The following ULK4 variants were observed in gnomAD, a reference collection of about 807,000 sequenced individuals.
The protein encoded by ULK4 is unc-51 like kinase 4.
Under a neutral mutation model 160.6 loss-of-function variants are expected in ULK4, and 133 were observed. The ratio of observed to expected loss-of-function variants is 0.83; its 90% confidence interval spans 0.72 to 0.96. The LOEUF (loss-of-function observed/expected upper bound fraction) is 0.96. Ranked by LOEUF, ULK4 falls within the 40% of genes least tolerant of loss-of-function variation. The pLI is 0.00. For synonymous variants in ULK4, 534 were observed against 539.8 expected (o/e 0.99, Z 0.15); for missense variants, 1,580 against 1,499.5 (o/e 1.05, Z -0.89).
chr3:41,452,959 A>C (rs1004131271), intron 34 of ULK4, among the ~76,000 whole-genome samples: 2 of 152,148 alleles, frequency 1.3e-5, no homozygotes, highest in African/African-American at 4.8e-5. Flanking sequence ...TCCAGAGGCC[A>C]AGGAGAACGG....
chr3:41,536,148 A>T (rs1356786746), intron 32 of ULK4, among the ~76,000 whole-genome samples: 2 of 152,168 alleles, frequency 1.3e-5, no homozygotes, highest in Non-Finnish European at 2.9e-5. Context: ...AAAATCCCTC[A>T]GATTGTCAAC....
At chr3:41,598,397 G>A (rs1221736072) in intron 31 of ULK4, among the ~76,000 whole-genome samples, 2 of 152,070 alleles carry the variant, frequency 1.3e-5, no homozygotes, top group African/African-American at 2.4e-5. Flanking sequence ...AGCATCTCAG[G>A]AGACCAGACA....
chr3:41,339,373 T>C (rs540982756), intron 35 of ULK4, among the ~76,000 whole-genome samples: 8 of 152,064 alleles, frequency 5.3e-5, no homozygotes. Flanking sequence ...TGGAGTGCCA[T>C]GTGAAAAGCC....
chr3:41,322,648 G>C (rs1243499087), intron 35 of ULK4, among the ~76,000 whole-genome samples: 1 of 152,172 alleles, frequency 6.6e-6, no homozygotes, highest in African/African-American at 2.4e-5. Flanking sequence ...ACTAATGTTT[G>C]AGAGCCGATG....
rs145931274 is a variant in ULK4, at chr3:41,443,695, T to C, written c.3492+11802A>G. 8.0e-4 allele frequency among the ~76,000 whole-genome samples: 122 copies of C among 152,266 alleles called. No homozygotes were observed. In the East Asian group the frequency reaches 0.011, roughly 13 times the overall value. ...CATGCAAAGACTGTCTCTCTGCTCT[T>C]TGTATATATATCGTGATACATATTA... is the stretch of plus-strand genomic sequence containing the variant. On this transcript the variant is annotated intron_variant, in intron 34 of 36. Transcript: ENST00000301831.
chr3:41,693,430 T>C (rs1179865310), intron 27 of ULK4, among the ~76,000 whole-genome samples: 3 of 152,204 alleles, frequency 2.0e-5, no homozygotes, highest in Admixed American at 2.0e-4. Flanking sequence ...TATTAGCAAC[T>C]ACCTAGTGGG....
chr3:41,588,554 G>A (rs1461108323), intron 31 of ULK4, among the ~76,000 whole-genome samples: 2 of 152,162 alleles, frequency 1.3e-5, no homozygotes, highest in East Asian at 3.9e-4. Context: ...TCTCCTGTCT[G>A]CTAGCCATTC....
At chr3:41,609,037 A>T (rs908143704) in intron 31 of ULK4, among the ~76,000 whole-genome samples, 1 of 152,222 alleles carries the variant, frequency 6.6e-6, no homozygotes, top group Admixed American at 6.5e-5. Flanking sequence ...TAGTAACAAG[A>T]ATGATGATAA....
intron 32 of ULK4, among the ~76,000 whole-genome samples, chr3:41,514,584 A>G (rs989971583): frequency 1.3e-5 from 2 of 152,208 alleles, no homozygotes; most frequent in African/African-American, 4.8e-5. Context: ...TATAAATATA[A>G]CGAAATAATA....
chr3:41,694,821 T>G (rs186890783), intron 27 of ULK4, among the ~76,000 whole-genome samples: 8 of 152,220 alleles, frequency 5.3e-5, no homozygotes, highest in Non-Finnish European at 8.8e-5. Context: ...TTTTCAAATA[T>G]GTTTTATCTG....
intron 17 of ULK4, among the ~76,000 whole-genome samples, chr3:41,838,876 AT>A (rs1009904990): frequency 2.6e-5 from 4 of 152,186 alleles, no homozygotes; most frequent in African/African-American, 9.7e-5. Context: ...AAAAAGTGAA[AT>A]TTATAGACAT....
intron 30 of ULK4, among the ~76,000 whole-genome samples, chr3:41,621,919 A>C (rs1010483224): frequency 2.6e-5 from 4 of 152,220 alleles, no homozygotes; most frequent in African/African-American, 9.6e-5. Flanking sequence ...ATTTACAAGA[A>C]AAAAACAAAC....
intron 34 of ULK4, among the ~76,000 whole-genome samples, chr3:41,449,468 T>C (rs756185777): frequency 2.0e-5 from 3 of 151,946 alleles, no homozygotes; most frequent in Non-Finnish European, 4.4e-5. Flanking sequence ...TTAAATGGAG[T>C]ACTGACTCCT....
intron 32 of ULK4, among the ~76,000 whole-genome samples, chr3:41,528,661 A>C (rs1288853021): frequency 6.6e-6 from 1 of 152,224 alleles, no homozygotes; most frequent in Non-Finnish European, 1.5e-5. Context: ...TATGCTTTGT[A>C]GCACTATAAG....
chr3:41,330,630 C>T (rs1214991754), intron 35 of ULK4, among the ~76,000 whole-genome samples: 1 of 152,148 alleles, frequency 6.6e-6, no homozygotes, highest in African/African-American at 2.4e-5. Flanking sequence ...CATGTTTACC[C>T]CTAAGTCATC....
At chr3:41,555,315 T>C (rs1217826948) in intron 32 of ULK4, among the ~76,000 whole-genome samples, 2 of 115,702 alleles carry the variant, frequency 1.7e-5, no homozygotes, top group South Asian at 2.7e-4. Context: ...CTTAAACAAA[T>C]GTACAAAAAA....
chr3:41,533,155 CTG>C (rs753946709), intron 32 of ULK4, among the ~76,000 whole-genome samples: 26 of 152,272 alleles, frequency 1.7e-4, no homozygotes, highest in Admixed American at 5.9e-4. Context: ...CCAGCTGACA[CTG>C]TGGAGCCCAG....
At chr3:41,577,076 A>G (rs971406173) in intron 31 of ULK4, among the ~76,000 whole-genome samples, 4 of 152,238 alleles carry the variant, frequency 2.6e-5, no homozygotes, top group Non-Finnish European at 5.9e-5. Flanking sequence ...TGGTACTCAC[A>G]GTTTCAGTTT....
At chr3:41,831,885 T>C (rs1195179970) in intron 18 of ULK4, among the ~76,000 whole-genome samples, 3 of 152,176 alleles carry the variant, frequency 2.0e-5, no homozygotes, top group African/African-American at 4.8e-5. Flanking sequence ...GATCTCATTC[T>C]TTTTTATTGC....
Sources: gnomAD v4.1 joint callset for allele counts (sites outside exome capture counted in the v4.1 genomes callset) on GRCh38, gnomAD v4.1.1 for gene constraint, MANE v1.5 for transcripts, NCBI Gene and HGNC (gene_info 2026-07-23, HGNC 2026-07-21) for gene names.